ARL15: variants seen among roughly 807,000 people sequenced by gnomAD.
ARL15 encodes ADP-ribosylation factor-like protein 15.
In ARL15, 19 loss-of-function variants were observed where a neutral mutation model predicts 25.2. The observed-to-expected ratio is 0.75, with a 90% CI of 0.53 to 1.10. ARL15 has a LOEUF of 1.10. ARL15 is among the 50% of genes least tolerant of loss of function. The pLI, the probability that ARL15 is intolerant of heterozygous loss-of-function variation, is 0.00. For synonymous variants in ARL15, 94 were observed against 86.8 expected (o/e 1.08, Z -0.46); for missense variants, 220 against 246.0 (o/e 0.89, Z 0.71).
At chr5:53,997,507 A>G (rs551069134) in intron 4 of ARL15, among the ~76,000 whole-genome samples, 1 of 152,120 alleles carries the variant, frequency 6.6e-6, no homozygotes, top group Non-Finnish European at 1.5e-5. Context: ...TCACCTGATA[A>G]TTTTCAATAA....
chr5:53,930,629 C>A (rs1746168015), intron 4 of ARL15, among the ~76,000 whole-genome samples: 1 of 152,068 alleles, frequency 6.6e-6, no homozygotes, highest in Non-Finnish European at 1.5e-5. Flanking sequence ...TTGCTCAACA[C>A]TCCAGGGGAA....
intron 4 of ARL15, among the ~76,000 whole-genome samples, chr5:54,063,893 A>C (rs1306879512): frequency 6.6e-6 from 1 of 152,128 alleles, no homozygotes. Flanking sequence ...CTTCTTTCTA[A>C]AACTTAGAAA....
intron 4 of ARL15, among the ~76,000 whole-genome samples, chr5:53,950,135 T>C (rs916138022): frequency 6.6e-5 from 10 of 152,064 alleles, no homozygotes; most frequent in Admixed American, 1.3e-4. Context: ...TATTCAAGTG[T>C]TTAAAGTGGC....
Position 54,144,094 on chromosome 5 carries a change from AAG to A in ARL15, c.253+10484_253+10485del, listed in dbSNP as rs555103605. Among the ~76,000 whole-genome samples, 94 of 152,186 alleles carry A rather than the reference AAG, an allele frequency of 6.2e-4. 4 individuals carry two copies. The Middle Eastern group carries it at 0.044, about 72-fold the overall frequency. ...CATGCATGTGTGTGTGTATGTGTGA[AAG>A]AGAGAGAAATCGTAATTAATAGTTT... On this transcript the variant is annotated intron_variant, in intron 3 of 4. Coordinates refer to ENST00000504924, the MANE Select transcript of ARL15 (RefSeq NM_019087.3).
intron 4 of ARL15, among the ~76,000 whole-genome samples, chr5:53,929,986 T>C (rs1467494069): frequency 6.6e-6 from 1 of 152,216 alleles, no homozygotes; most frequent in Non-Finnish European, 1.5e-5. Flanking sequence ...GTTCTTTTTA[T>C]ATTAAACACT....
At position 54,003,658 on chromosome 5, in the gene ARL15, T is replaced by TTATATCCATCTA. The variant is rs1253734153; in HGVS notation, c.462+109543_462+109544insTAGATGGATATA. On this transcript the variant is annotated intron_variant, in intron 4 of 4. Transcript: ENST00000504924. ...GTCAGAATGTCAGTCAGAAAATATTTTCTTTCTATCTATCTATCTATCTAT... is the reference window on the plus strand; with the variant it reads ...GTCAGAATGTCAGTCAGAAAATATTTTATATCCATCTATCTTTCTATCTATCTATCTATCTAT... Among the ~76,000 whole-genome samples the TTATATCCATCTA allele has an allele frequency of 7.9e-3, 1,062 of 134,104 alleles. 6 individuals are homozygous for TTATATCCATCTA. The highest frequency in any genetic ancestry group is 0.011 in the Middle Eastern group (3 of 268). 88.0% of individuals were successfully genotyped at this position (134,104 alleles called of 152,430 possible). A position where few individuals can be genotyped will look rare whatever the true frequency, so the allele number is the denominator to read the frequency against.
Position 54,085,201 on chromosome 5 carries a change from C to T in ARL15, c.462+28001G>A, listed in dbSNP as rs1367464075. Among the ~76,000 whole-genome samples, 3 of 152,262 alleles carry T rather than the reference C, an allele frequency of 2.0e-5. No homozygotes were observed. In the East Asian group the frequency reaches 5.8e-4, roughly 29 times the overall value. Reference sequence around the variant, plus strand: ...TAAATGAATTGTTTAACCCTGTGAGCTTCAGAATGCTTAGCAAACTACTGT... The same window carrying T: ...TAAATGAATTGTTTAACCCTGTGAGTTTCAGAATGCTTAGCAAACTACTGT... On this transcript the variant is annotated intron_variant, in intron 4 of 4. Transcript: ENST00000504924.
intron 4 of ARL15, among the ~76,000 whole-genome samples, chr5:54,108,149 T>C (rs1178572458): frequency 6.6e-6 from 1 of 152,202 alleles, no homozygotes; most frequent in Non-Finnish European, 1.5e-5. Context: ...AATGAAATGA[T>C]TGCTAATTCA....
At chr5:54,084,684 G>T (rs183000605) in intron 4 of ARL15, among the ~76,000 whole-genome samples, 1 of 152,150 alleles carries the variant, frequency 6.6e-6, no homozygotes, top group African/African-American at 2.4e-5. Flanking sequence ...TGAAAGCTGA[G>T]GGGTAGGGTT....
chr5:54,227,156 G>C (rs34623175), intron 1 of ARL15, among the ~76,000 whole-genome samples: 9,509 of 152,234 alleles, frequency 0.062, 341 homozygotes, highest in African/African-American at 0.086. Flanking sequence ...TTTCAAACAA[G>C]ATGGCAAAGT....
chr5:53,885,109 G>C lies in ARL15; in HGVS notation c.*1452C>G, dbSNP rs1434361194. On this transcript the variant is annotated 3_prime_UTR_variant, in exon 5 of 5. Transcript: ENST00000504924. ...AAGTCTATCTTCTGGAGAATTACCA[G>C]GTATTACATCATTCTGTAATATAGT... 1 of 152,530 alleles carries C rather than the reference G, an allele frequency of 6.6e-6. No individual in the cohort carries two copies. The highest frequency in any genetic ancestry group is 1.5e-5 in the Non-Finnish European group (1 of 68,028). The allele number at this position is 152,530 out of a possible 1,614,324, so 9.4% of individuals were successfully genotyped here. A position where few individuals can be genotyped will look rare whatever the true frequency, so the allele number is the denominator to read the frequency against.
intron 4 of ARL15, among the ~76,000 whole-genome samples, chr5:53,905,434 CATA>C (rs772659609): frequency 7.2e-5 from 11 of 152,030 alleles, no homozygotes; most frequent in African/African-American, 2.7e-4. Context: ...AAATATTAAA[CATA>C]ATGTTATTCT....
At chr5:53,979,634 A>T (rs1245827619) in intron 4 of ARL15, among the ~76,000 whole-genome samples, 1 of 152,222 alleles carries the variant, frequency 6.6e-6, no homozygotes, top group East Asian at 1.9e-4. Flanking sequence ...TGCCAGAAGC[A>T]GTCATAGGGC....
intron 4 of ARL15, among the ~76,000 whole-genome samples, chr5:54,001,845 T>G (rs188051117): frequency 6.6e-6 from 1 of 152,162 alleles, no homozygotes; most frequent in Non-Finnish European, 1.5e-5. Flanking sequence ...ATAACTGAGG[T>G]CAAGTTCTGT....
chr5:54,065,252 G>T (rs1302974671), intron 4 of ARL15, among the ~76,000 whole-genome samples: 2 of 152,146 alleles, frequency 1.3e-5, no homozygotes, highest in African/African-American at 4.8e-5. Context: ...GTAATAATTT[G>T]TCATTAATGC....
chr5:54,122,279 G>C (rs1289894537), intron 3 of ARL15, among the ~76,000 whole-genome samples: 1 of 152,140 alleles, frequency 6.6e-6, no homozygotes, highest in Non-Finnish European at 1.5e-5. Context: ...CTCCCCTTCA[G>C]ACAAAAACGC....
chr5:53,901,595 C>T (rs1745066025), intron 4 of ARL15, among the ~76,000 whole-genome samples: 1 of 127,290 alleles, frequency 7.9e-6, no homozygotes, highest in Admixed American at 1.1e-4. Context: ...ATGCATTCAC[C>T]ATGAAATTGA....
At chr5:54,103,376 AGGT>A (rs1236926418) in intron 4 of ARL15, among the ~76,000 whole-genome samples, 1 of 152,118 alleles carries the variant, frequency 6.6e-6, no homozygotes. Context: ...TTGGTATTGA[AGGT>A]GTGCCTCATA....
chr5:54,123,281 T>C (rs1753145355), intron 3 of ARL15, among the ~76,000 whole-genome samples: 1 of 152,030 alleles, frequency 6.6e-6, no homozygotes, highest in Non-Finnish European at 1.5e-5. Context: ...AGCTAATTTT[T>C]TGTATTTTTA....
Sources: allele counts gnomAD v4.1 joint callset (sites outside exome capture counted in the v4.1 genomes callset), GRCh38; gene constraint gnomAD v4.1.1; transcripts MANE v1.5; gene names NCBI Gene and HGNC (gene_info 2026-07-23, HGNC 2026-07-21).